The following SSH2 variants were observed in gnomAD, a reference collection of about 807,000 sequenced individuals.
SSH2 encodes slingshot protein phosphatase 2, also known as protein phosphatase Slingshot homolog 2.
In SSH2, 37 loss-of-function variants were observed where a neutral mutation model predicts 135.2. The ratio of observed to expected loss-of-function variants is 0.27; its 90% CI spans 0.21 to 0.36. SSH2 has a LOEUF of 0.36. Ranked by LOEUF, SSH2 falls within the 10% of genes least tolerant of loss-of-function variation. SSH2 has a pLI of 1.00. For missense variants in SSH2, 1,408 were observed against 1,765.3 expected (o/e 0.80, Z 3.63); for synonymous variants, 628 against 646.2 (o/e 0.97, Z 0.43).
intron 3 of SSH2, among the ~76,000 whole-genome samples, chr17:29,756,838 G>A (rs1226156518): frequency 6.6e-6 from 1 of 151,766 alleles, no homozygotes; most frequent in Non-Finnish European, 1.5e-5. Flanking sequence ...TGTATTTTTA[G>A]TAGAGATGGG....
intron 8 of SSH2, among the ~76,000 whole-genome samples, chr17:29,674,582 A>G (rs2037628216): frequency 6.6e-6 from 1 of 152,154 alleles, no homozygotes; most frequent in Non-Finnish European, 1.5e-5. Flanking sequence ...TGATCCACAC[A>G]TCATCTATTT....
chr17:29,894,988 T>G (rs1033609125), intron 1 of SSH2, among the ~76,000 whole-genome samples: 3 of 151,414 alleles, frequency 2.0e-5, no homozygotes, highest in African/African-American at 7.3e-5. Context: ...CTCTTCATGA[T>G]CTAGCCTCTT....
At chr17:29,872,376 T>C (rs2065952376) in intron 1 of SSH2, among the ~76,000 whole-genome samples, 1 of 152,214 alleles carries the variant, frequency 6.6e-6, no homozygotes, top group Non-Finnish European at 1.5e-5. Context: ...GAGACTACAT[T>C]AACAAAGAAA....
At chr17:29,726,544 A>C (rs2040008332) in intron 3 of SSH2, among the ~76,000 whole-genome samples, 1 of 152,230 alleles carries the variant, frequency 6.6e-6, no homozygotes, top group South Asian at 2.1e-4. Flanking sequence ...CCAGGCAAGT[A>C]ACAAGGGTGG....
At chr17:29,680,367 A>T (rs2037920701) in intron 6 of SSH2, among the ~76,000 whole-genome samples, 1 of 151,634 alleles carries the variant, frequency 6.6e-6, no homozygotes. Context: ...CAACATGGCG[A>T]AACTCCATCT....
At chr17:29,774,685 T>C (rs1436372143) in intron 3 of SSH2, among the ~76,000 whole-genome samples, 1 of 152,226 alleles carries the variant, frequency 6.6e-6, no homozygotes, top group Non-Finnish European at 1.5e-5. Flanking sequence ...GGTTCTTATA[T>C]ATATGCTGCT....
At chr17:29,719,471 C>T (rs2039745028) in intron 3 of SSH2, among the ~76,000 whole-genome samples, 1 of 150,548 alleles carries the variant, frequency 6.6e-6, no homozygotes, top group Admixed American at 6.6e-5. Context: ...AAGATCGTGC[C>T]ACTCCAGCCT....
At chr17:29,660,415 C>T (rs963548477) in intron 11 of SSH2, among the ~76,000 whole-genome samples, 9 of 151,714 alleles carry the variant, frequency 5.9e-5, no homozygotes, top group Non-Finnish European at 1.0e-4. Flanking sequence ...TACAGGTGTG[C>T]GCCACCACAT....
At chr17:29,872,091 G>C (rs2065946401) in intron 1 of SSH2, among the ~76,000 whole-genome samples, 2 of 152,152 alleles carry the variant, frequency 1.3e-5, no homozygotes, top group African/African-American at 2.4e-5. Flanking sequence ...TTGTCTATTA[G>C]ACATTATGAT....
At chr17:29,813,356 G>C (rs527526038) in intron 2 of SSH2, among the ~76,000 whole-genome samples, 1 of 152,216 alleles carries the variant, frequency 6.6e-6, no homozygotes, top group Non-Finnish European at 1.5e-5. Flanking sequence ...CTGCACTCCA[G>C]ACTGGGTGAG....
chr17:29,792,700 G>A (rs1393637300), intron 3 of SSH2, among the ~76,000 whole-genome samples: 7 of 152,010 alleles, frequency 4.6e-5, no homozygotes, highest in Admixed American at 1.3e-4. Flanking sequence ...TTTTTGAGAC[G>A]GAGTCTCGCT....
At chr17:29,657,135 T>C (rs1283929100) in intron 11 of SSH2, among the ~76,000 whole-genome samples, 1 of 151,950 alleles carries the variant, frequency 6.6e-6, no homozygotes, top group Non-Finnish European at 1.5e-5. Flanking sequence ...CCCAGCTGAT[T>C]TTTGTATTTT....
Position 29,631,316 on chromosome 17 carries a change from A to C in SSH2, c.3878T>G (p.Leu1293Trp). The C allele has an allele frequency of 6.2e-7, 1 of 1,614,128 alleles. No homozygotes were observed. The highest frequency in any genetic ancestry group is 8.5e-7 in the Non-Finnish European group (1 of 1,180,014). ...RSASLAKLGY[L>W]DLCKDCLPER... ...TGGTAAGCAGTCTTTACAGAGGTCC[A>C]AGTAACCTAATTTGGCGAGAGAAGC... The change falls in exon 16 of 16, where the codon TTG (leucine) becomes TGG (tryptophan). Residue 1293 changes from leucine to tryptophan, a missense_variant. By Grantham distance (61) the Leu-to-Trp change is moderately conservative. Around this residue, in one of 3 missense-constraint regions of SSH2, gnomAD observed 1,080 missense variants for 1,144.5 expected, o/e 0.94. Transcript: ENST00000540801.
In SSH2 at chr17:29,650,750, C is replaced by T. The variant is rs781606609; in HGVS notation, c.1130G>A (p.Gly377Glu). ...CCGAATGTTATGATACTCAAAGACT[C>T]CTGGGAAGAAGTTATCTATCTCTCG... is the stretch of plus-strand genomic sequence containing the variant. The part of the protein sequence containing the change: ...VTREIDNFFP[G>E]VFEYHNIRVY... Residue 377 changes from glycine to glutamate, a missense_variant, in exon 13 of 16, where the codon GGA becomes GAA. Physicochemically the swap from Gly to Glu is moderately conservative, Grantham distance 98. This residue lies in a region of SSH2 where 106 missense variants were observed against 265.2 expected (regional missense o/e 0.40). Coordinates refer to ENST00000540801, the MANE Select transcript of SSH2 (RefSeq NM_001282129.2). The T allele has an allele frequency of 1.2e-6, 2 of 1,613,904 alleles. No individual in the cohort carries two copies.
At chr17:29,728,907 A>G (rs1332964403) in intron 3 of SSH2, among the ~76,000 whole-genome samples, 3 of 152,234 alleles carry the variant, frequency 2.0e-5, no homozygotes, top group Admixed American at 1.3e-4. Flanking sequence ...AAAATGGATT[A>G]AATACTTAAA....
intron 1 of SSH2, 25 bp downstream of exon 1, chr17:29,929,912 CG>C (rs1208603251): frequency 6.4e-7 from 1 of 1,573,262 alleles, no homozygotes; most frequent in Non-Finnish European, 8.6e-7. Context: ...CAGAAGCAAG[CG>C]GAGCGGCCGC....
chr17:29,824,148 G>A (rs547100337), intron 2 of SSH2, among the ~76,000 whole-genome samples: 1 of 152,078 alleles, frequency 6.6e-6, no homozygotes, highest in South Asian at 2.1e-4. Flanking sequence ...TACTAGTCAT[G>A]ATATTTTTCA....
intron 3 of SSH2, among the ~76,000 whole-genome samples, chr17:29,736,537 C>A (rs1049568028): frequency 1.3e-5 from 2 of 152,132 alleles, no homozygotes; most frequent in African/African-American, 4.8e-5. Context: ...CCTATAATCC[C>A]AACACTTTGG....
intron 14 of SSH2, among the ~76,000 whole-genome samples, chr17:29,638,580 T>TGCC (rs1415044170): frequency 7.1e-6 from 1 of 141,248 alleles, no homozygotes; most frequent in African/African-American, 2.6e-5. Context: ...GGTATCACAC[T>TGCC]GCCACCAGGC....
Sources: allele counts gnomAD v4.1 joint callset (sites outside exome capture counted in the v4.1 genomes callset), GRCh38; gene constraint gnomAD v4.1.1; regional missense constraint gnomAD v4.1.1; transcripts MANE v1.5; gene names NCBI Gene and HGNC (gene_info 2026-07-23, HGNC 2026-07-21).